BIN1: variants seen among roughly 807,000 people sequenced by gnomAD.
The protein encoded by BIN1 is bridging integrator 1.
BIN1 carries 53 observed loss-of-function variants against 82.0 expected under a neutral mutation model. The observed-to-expected ratio is 0.65, with a 90% CI of 0.52 to 0.81. The LOEUF (loss-of-function observed/expected upper bound fraction) is 0.81, where lower values mean the gene tolerates loss of function less well. Among genes scored for constraint, BIN1 ranks in the 40% least tolerant of loss-of-function variants. The pLI is 0.00. For synonymous variants in BIN1, 302 were observed against 328.0 expected, an observed-to-expected ratio of 0.92 and a Z score of 0.86; for missense variants, 642 against 784.4, an observed-to-expected ratio of 0.82 and a Z score of 2.17.
At chr2:127,076,263 G>A (rs114947464) in intron 2 of BIN1, among the ~76,000 whole-genome samples, 3,996 of 152,104 alleles carry the variant, frequency 0.026, 88 homozygotes, top group Admixed American at 0.041. Context: ...CATGCTAACC[G>A]CTGCAGATGC....
chr2:127,101,545 T>A (rs751731075), intron 1 of BIN1, among the ~76,000 whole-genome samples: 20 of 152,206 alleles, frequency 1.3e-4, no homozygotes, highest in Non-Finnish European at 2.6e-4. Flanking sequence ...CTGGTGAGAA[T>A]GTCAGCTCCA....
At chr2:127,063,879 A>C in intron 8 of BIN1, 54 bp downstream of exon 8, 1 of 1,607,570 alleles carries the variant, frequency 6.2e-7, no homozygotes, top group South Asian at 1.1e-5. Flanking sequence ...TGGGCACCGC[A>C]GCACGCAGAC....
At chr2:127,080,934 G>A (rs961923969) in intron 1 of BIN1, among the ~76,000 whole-genome samples, 20 of 152,326 alleles carry the variant, frequency 1.3e-4, no homozygotes, top group African/African-American at 4.8e-4. Flanking sequence ...CTGAGTTGAC[G>A]CCATGCCTCC....
rs2104957771 is a variant in BIN1, at chr2:127,059,452, G to A, written c.858-297C>T. Among the ~76,000 whole-genome samples, 1 of 152,128 alleles carries A rather than the reference G, an allele frequency of 6.6e-6. No homozygotes were observed. ...GCAGGCAGGTCCCTTGGAACCATCTGTCGCAGAGACCAGACCAACCACCCC... is the reference window on the plus strand; with the variant it reads ...GCAGGCAGGTCCCTTGGAACCATCTATCGCAGAGACCAGACCAACCACCCC... On this transcript the variant is annotated intron_variant, in intron 10 of 18. Transcript: ENST00000316724. The surrounding 1 kb of genome is among the most constrained non-coding windows in gnomAD (Gnocchi z 6.7).
intron 2 of BIN1, among the ~76,000 whole-genome samples, chr2:127,075,599 G>T (rs1686476552): frequency 6.6e-6 from 1 of 152,098 alleles, no homozygotes; most frequent in South Asian, 2.1e-4. Flanking sequence ...CTGTCAGGCT[G>T]AGCCCCTCTG....
At chr2:127,074,647 G>C (rs1040260481) in intron 2 of BIN1, among the ~76,000 whole-genome samples, 1 of 152,234 alleles carries the variant, frequency 6.6e-6, no homozygotes, top group African/African-American at 2.4e-5. Context: ...AGGCCACACA[G>C]AGTCTCAGCT....
intron 1 of BIN1, among the ~76,000 whole-genome samples, chr2:127,094,979 G>A (rs1025380744): frequency 6.6e-6 from 1 of 152,184 alleles, no homozygotes; most frequent in Non-Finnish European, 1.5e-5. Context: ...CAGGGTGGGC[G>A]GGTCAACTCG....
rs1057027789 is a variant in BIN1, at chr2:127,068,038, G to A, written c.612+125C>T. 13 of 947,600 alleles carry A rather than the reference G, an allele frequency of 1.4e-5. No homozygotes were observed. The highest frequency in any genetic ancestry group is 1.7e-5 in the Non-Finnish European group (10 of 605,734). 58.7% of individuals were successfully genotyped at this position (947,600 alleles called of 1,614,324 possible). A position where few individuals can be genotyped will look rare whatever the true frequency, so the allele number is the denominator to read the frequency against. On this transcript the variant is annotated intron_variant, in intron 7 of 18. Transcript: ENST00000316724. The surrounding 1 kb of genome is among the most constrained non-coding windows in gnomAD (Gnocchi z 4.9). ...CCTCTGAAGCAGAGCTCTCCCAGCA[G>A]AGGCCTTTGAAAAACCCTGCCCCAG...
At chr2:127,086,351 G>A (rs1389331768) in intron 1 of BIN1, among the ~76,000 whole-genome samples, 3 of 152,128 alleles carry the variant, frequency 2.0e-5, no homozygotes, top group East Asian at 1.9e-4. Context: ...TCCAAAGATC[G>A]AACTGGTAAA....
At chr2:127,066,819 C>T (rs1258866404) in intron 7 of BIN1, among the ~76,000 whole-genome samples, 1 of 152,200 alleles carries the variant, frequency 6.6e-6, no homozygotes, top group Non-Finnish European at 1.5e-5. Context: ...GCCTGTAATC[C>T]CAGCACTTTG....
intron 7 of BIN1, chr2:127,064,902 C>CG (rs936357473): frequency 4.2e-4 from 64 of 152,260 alleles, no homozygotes; most frequent in African/African-American, 1.4e-3. Context: ...TGGCTCACTG[C>CG]GGGAGGACAC....
At chr2:127,058,313 G>A (rs891192623) in intron 11 of BIN1, among the ~76,000 whole-genome samples, 4 of 152,188 alleles carry the variant, frequency 2.6e-5, no homozygotes, top group African/African-American at 9.6e-5. Context: ...AGTGCTGTTT[G>A]GGACAGGCTC....
chr2:127,052,924 G>C, intron 14 of BIN1: 1 of 261,364 alleles, frequency 3.8e-6, no homozygotes, highest in South Asian at 5.1e-5. Flanking sequence ...GCACCTGCCT[G>C]CAGGCCCTGC....
chr2:127,053,635 C>T (rs1573547287), intron 13 of BIN1, 190 bp from the exon 14 acceptor site: 5 of 798,332 alleles, frequency 6.3e-6, no homozygotes, highest in Admixed American at 4.1e-5. Flanking sequence ...CAGGGAGCTT[C>T]AAGACCCCAA....
At chr2:127,091,880 A>G (rs1342016755) in intron 1 of BIN1, among the ~76,000 whole-genome samples, 1 of 152,086 alleles carries the variant, frequency 6.6e-6, no homozygotes, top group Non-Finnish European at 1.5e-5. Flanking sequence ...TGGGTAACAG[A>G]GCAAGACCCT....
rs778962397 is a variant in BIN1 at position 127,063,947 on chromosome 2, C to T, written c.684G>A (p.Pro228=). 3.8e-5 allele frequency: 62 copies of T among 1,613,664 alleles called. No individual in the cohort carries two copies. Among genetic ancestry groups the T allele is most frequent in the Non-Finnish European group, 4.7e-5 (56 of 1,179,984 alleles). ...CTGGGCCTCACCTGTTCCACAGGGA[C>T]GGCAGCTCCTCCTGCAGATCCACAT... The part of the protein sequence containing the change: ...EMNVDLQEEL[P]SLWNSRVGFY... Residue 228 remains proline (P), a synonymous_variant, in exon 8 of 19, where the codon CCG becomes CCA. Transcript: ENST00000316724.
At position 127,090,619 on chromosome 2, in the gene BIN1, G is replaced by A. The variant is rs1678798188; in HGVS notation, c.85-13913C>T. On this transcript the variant is annotated intron_variant, in intron 1 of 18. Coordinates refer to ENST00000316724, the MANE Select transcript of BIN1 (RefSeq NM_139343.3). This position sits in a 1 kb window ranked among gnomAD's most constrained non-coding sequence, Gnocchi z 6.4. The stretch of plus-strand genomic sequence containing the variant: ...CTCCCACCCTCATCACCTGCTTCCT[G>A]AGCTCAGTGGGGGAACAGCCTGTGC... 6.6e-6 allele frequency among the ~76,000 whole-genome samples: 1 copy of A among 152,196 alleles called. No homozygotes were observed. Among genetic ancestry groups the A allele is most frequent in the Non-Finnish European group, 1.5e-5 (1 of 68,034 alleles).
intron 18 of BIN1, among the ~76,000 whole-genome samples, chr2:127,049,451 C>T (rs3768864): frequency 0.17 from 25,359 of 152,148 alleles, 2,413 homozygotes; most frequent in East Asian, 0.24. Flanking sequence ...CAATAAGTAC[C>T]TGGTACCCCT....
At chr2:127,054,169 GCA>G in intron 12 of BIN1, 157 bp from the exon 13 acceptor site, 1 of 679,996 alleles carries the variant, frequency 1.5e-6, no homozygotes, top group East Asian at 2.7e-5. Context: ...ACACACGCTG[GCA>G]CACAGCCCAG....
Sources: allele counts gnomAD v4.1 joint callset (sites outside exome capture counted in the v4.1 genomes callset), GRCh38; gene constraint gnomAD v4.1.1; non-coding constraint Gnocchi (gnomAD v3.1); transcripts MANE v1.5; gene names NCBI Gene and HGNC (gene_info 2026-07-23, HGNC 2026-07-21).